The following TAB2 variants were observed in gnomAD, a reference collection of about 807,000 sequenced individuals.
The protein encoded by TAB2 is TGF-beta-activated kinase 1 and MAP3K7-binding protein 2.
In TAB2, 3 loss-of-function variants were observed where a neutral mutation model predicts 65.0. That is an observed-to-expected ratio of 0.05 (90% CI 0.02 to 0.12). TAB2 has a LOEUF of 0.12. TAB2 is among the 10% of genes least tolerant of loss of function. The pLI, the probability that TAB2 is intolerant of heterozygous loss-of-function variation, is 1.00. For missense variants in TAB2, 623 were observed against 840.3 expected, an observed-to-expected ratio of 0.74 and a Z score of 3.20; for synonymous variants, 298 against 285.1, an observed-to-expected ratio of 1.05 and a Z score of -0.46.
chr6:149,259,646 T>G (rs1778111783), intron 1 of TAB2, among the ~76,000 whole-genome samples: 1 of 152,248 alleles, frequency 6.6e-6, no homozygotes, highest in South Asian at 2.1e-4. Flanking sequence ...TTAGACATCC[T>G]GTCTTATAGA....
intron 1 of TAB2, among the ~76,000 whole-genome samples, chr6:149,339,134 G>C (rs1780022909): frequency 6.6e-6 from 1 of 152,194 alleles, no homozygotes; most frequent in Non-Finnish European, 1.5e-5. Flanking sequence ...GGGAGGCCGA[G>C]ACGGGCGGAT....
intron 6 of TAB2, among the ~76,000 whole-genome samples, chr6:149,401,604 G>A (rs2086601205): frequency 6.6e-6 from 1 of 152,052 alleles, no homozygotes; most frequent in African/African-American, 2.4e-5. Flanking sequence ...GCAATAGTAG[G>A]AGACTTCAAT....
chr6:149,263,538 C>T (rs1046945817), intron 1 of TAB2, among the ~76,000 whole-genome samples: 6 of 152,296 alleles, frequency 3.9e-5, no homozygotes, highest in Middle Eastern at 3.4e-3. Flanking sequence ...TGGGCAGGAA[C>T]TGGCAAAGGC....
chr6:149,333,585 A>G (rs1484646150), intron 1 of TAB2, among the ~76,000 whole-genome samples: 1 of 152,106 alleles, frequency 6.6e-6, no homozygotes, highest in Admixed American at 6.6e-5. Flanking sequence ...ATTTTTATAT[A>G]CCTTTCCACT....
intron 1 of TAB2, among the ~76,000 whole-genome samples, chr6:149,273,294 T>G (rs1490001015): frequency 1.3e-5 from 2 of 151,894 alleles, no homozygotes; most frequent in African/African-American, 4.8e-5. Context: ...CGAGCTGAGG[T>G]GGGAAAAAGA....
At chr6:149,320,672 A>AT (rs5880832) in intron 1 of TAB2, among the ~76,000 whole-genome samples, 35,707 of 151,308 alleles carry the variant, frequency 0.24, 4,392 homozygotes, top group Non-Finnish European at 0.26. Context: ...CTAAAACAGC[A>AT]TTTTTTTTTG....
chr6:149,379,421 T>G lies in TAB2; in HGVS notation c.1506T>G (p.Asn502Lys), dbSNP rs1289687549. ...NHPDHYVETE[N>K]IQHLTDPTLA... ...CTGATCATTATGTAGAAACCGAGAATATTCAGCACCTCACGGACCCTACAT... is the reference window on the plus strand; with the variant it reads ...CTGATCATTATGTAGAAACCGAGAAGATTCAGCACCTCACGGACCCTACAT... The change falls in exon 3 of 7, where the codon AAT becomes AAG. Residue 502 changes from asparagine to lysine, a missense_variant. Transcript: ENST00000637181. The G allele has an allele frequency of 6.2e-7, 1 of 1,614,134 alleles. No homozygotes were observed. Among genetic ancestry groups the G allele is most frequent in the Non-Finnish European group, 8.5e-7 (1 of 1,180,016 alleles).
intron 1 of TAB2, among the ~76,000 whole-genome samples, chr6:149,275,064 G>A (rs1172880470): frequency 6.6e-6 from 1 of 151,678 alleles, no homozygotes; most frequent in East Asian, 1.9e-4. Context: ...AAGAACTGGA[G>A]GTGTGGACTG....
At chr6:149,399,536 C>CG (rs1423419946) in intron 6 of TAB2, among the ~76,000 whole-genome samples, 6 of 151,684 alleles carry the variant, frequency 4.0e-5, no homozygotes, top group African/African-American at 1.4e-4. Flanking sequence ...AAGTTCCCCC[C>CG]CCCCATGAGT....
At chr6:149,390,019 G>C (rs1781931050) in intron 3 of TAB2, among the ~76,000 whole-genome samples, 1 of 152,242 alleles carries the variant, frequency 6.6e-6, no homozygotes, top group Non-Finnish European at 1.5e-5. Flanking sequence ...TACAAGATCT[G>C]ATTTCAAATT....
chr6:149,227,639 T>G (rs1342282477), intron 1 of TAB2, among the ~76,000 whole-genome samples: 2 of 152,212 alleles, frequency 1.3e-5, no homozygotes, highest in Non-Finnish European at 2.9e-5. Context: ...AAACTGCGAT[T>G]GCCCCCAGAA....
At chr6:149,268,531 CATTT>C (rs1195272359) in intron 1 of TAB2, among the ~76,000 whole-genome samples, 1 of 152,186 alleles carries the variant, frequency 6.6e-6, no homozygotes, top group Non-Finnish European at 1.5e-5. Flanking sequence ...AAAATGTTGA[CATTT>C]ATGATGACTG....
intron 1 of TAB2, among the ~76,000 whole-genome samples, chr6:149,294,422 T>C (rs1161848111): frequency 6.6e-6 from 1 of 152,224 alleles, no homozygotes; most frequent in Non-Finnish European, 1.5e-5. Context: ...ACTTTACTTC[T>C]TTGAAAAGAC....
chr6:149,355,194 A>G (rs1780617591), intron 1 of TAB2, among the ~76,000 whole-genome samples: 1 of 152,140 alleles, frequency 6.6e-6, no homozygotes, highest in Non-Finnish European at 1.5e-5. Context: ...AATTATTTAC[A>G]TGATAATGTC....
At chr6:149,316,628 CT>C (rs35459538), upstream of TAB2, among the ~76,000 whole-genome samples, 68 of 150,882 alleles carry the variant, frequency 4.5e-4, 1 homozygote, top group South Asian at 0.01. Flanking sequence ...ATTAAACACG[CT>C]TTTTTTTTCC....
intron 1 of TAB2, among the ~76,000 whole-genome samples, chr6:149,352,587 A>G (rs959447774): frequency 2.0e-5 from 3 of 152,106 alleles, no homozygotes; most frequent in African/African-American, 2.4e-5. Flanking sequence ...ACTTTACTAT[A>G]AGCACCTCTT....
intron 1 of TAB2, among the ~76,000 whole-genome samples, chr6:149,299,952 G>A (rs1344312085): frequency 6.6e-6 from 1 of 152,104 alleles, no homozygotes; most frequent in Non-Finnish European, 1.5e-5. Flanking sequence ...AGGTTACAAC[G>A]AGCTATGATT....
rs557813625 is a variant in TAB2, at chr6:149,379,385, T to C, written c.1470T>C (p.Leu490=). 5.0e-6 allele frequency: 8 copies of C among 1,614,086 alleles called. No homozygotes were observed. Among genetic ancestry groups the C allele is most frequent in the Non-Finnish European group, 6.8e-6 (8 of 1,180,044 alleles). The part of the protein sequence containing the change: ...VVSPTFELTN[L]LNHPDHYVET... ...CCCCTACCTTTGAACTTACAAATCT[T>C]CTTAATCATCCTGATCATTATGTAG... is the stretch of plus-strand genomic sequence containing the variant. Residue 490 remains leucine, a synonymous_variant, in exon 3 of 7, where the codon CTT becomes CTC. Coordinates refer to ENST00000637181, the MANE Select transcript of TAB2 (RefSeq NM_001292034.3).
rs892230921 is a variant in TAB2 at position 149,289,007 on chromosome 6, G to A, written c.-121+70231G>A. Among the ~76,000 whole-genome samples, 8 of 151,720 alleles carry A rather than the reference G, an allele frequency of 5.3e-5. No homozygotes were observed. The East Asian group carries it at 9.7e-4, about 18-fold the overall frequency. On this transcript the variant is annotated intron_variant, in intron 1 of 1. Transcript: ENST00000606202. ...AGAATAGCTAGGATTACAGGTATAC[G>A]CTACCATGCCCAGCTAATTTTTTGT... is the stretch of plus-strand genomic sequence containing the variant.
Sources: gnomAD v4.1 joint callset for allele counts (sites outside exome capture counted in the v4.1 genomes callset) on GRCh38, gnomAD v4.1.1 for gene constraint, MANE v1.5 for transcripts, NCBI Gene and HGNC (gene_info 2026-07-23, HGNC 2026-07-21) for gene names.